The following STIM1 variants were observed in gnomAD, a reference collection of about 807,000 sequenced individuals.
The protein encoded by STIM1 is stromal interaction molecule 1.
STIM1 carries 25 observed loss-of-function variants against 74.7 expected under a neutral mutation model. The ratio of observed to expected loss-of-function variants is 0.33; its 90% CI spans 0.24 to 0.47. The LOEUF (loss-of-function observed/expected upper bound fraction) is 0.47, where lower values mean the gene tolerates loss of function less well. STIM1 is among the 20% of genes least tolerant of loss of function. The pLI, the probability that STIM1 is intolerant of heterozygous loss-of-function variation, is 1.00. For missense variants in STIM1, 728 were observed against 920.8 expected (o/e 0.79, Z 2.71); for synonymous variants, 328 against 348.8 (o/e 0.94, Z 0.66).
intron 7 of STIM1, 56 bp downstream of exon 7, chr11:4,074,735 C>T: frequency 6.5e-7 from 1 of 1,536,614 alleles, no homozygotes; most frequent in South Asian, 1.2e-5. Context: ...GGGCAGGGGC[C>T]CAGGGTCTGG....
At chr11:3,906,415 C>G (rs984878675) in intron 1 of STIM1, among the ~76,000 whole-genome samples, 2 of 152,154 alleles carry the variant, frequency 1.3e-5, no homozygotes, top group Admixed American at 6.5e-5. Flanking sequence ...AGCATATGCC[C>G]TGACTGAATA....
At chr11:3,921,871 T>C (rs775347981) in intron 1 of STIM1, 5 of 152,216 alleles carry the variant, frequency 3.3e-5, no homozygotes, top group African/African-American at 7.2e-5. Flanking sequence ...TGTGGAGAAC[T>C]AGTGTTTCCT....
At chr11:3,862,736 G>A (rs778846039) in intron 1 of STIM1, among the ~76,000 whole-genome samples, 10 of 151,536 alleles carry the variant, frequency 6.6e-5, no homozygotes, top group Non-Finnish European at 1.2e-4. Context: ...GTGAGCCACC[G>A]TGCCCAGCCA....
intron 1 of STIM1, among the ~76,000 whole-genome samples, chr11:3,874,333 A>T (rs928326355): frequency 6.6e-6 from 1 of 152,214 alleles, no homozygotes; most frequent in East Asian, 1.9e-4. Context: ...TCTTCTAACC[A>T]GAAAAAGGGA....
Position 3,887,074 on chromosome 11 carries a change from A to G in STIM1, c.139+30665A>G, listed in dbSNP as rs2091739128. Among the ~76,000 whole-genome samples, 24 of 152,180 alleles carry G rather than the reference A, an allele frequency of 1.6e-4. 1 individual carries two copies. The South Asian group carries it at 4.8e-3, about 30-fold the overall frequency. On this transcript the variant is annotated intron_variant, in intron 1 of 12. Coordinates refer to ENST00000526596, the MANE Select transcript of STIM1 (RefSeq NM_001382567.1). ...CCAAATATATCCAGAGGTGAAACAA[A>G]CATCTAGGATGAAAAGGGTCCAGGG...
At position 3,863,090 on chromosome 11, in the gene STIM1, C is replaced by T. The variant is rs867552170; in HGVS notation, c.139+6681C>T. ...GTATTTTTTAGTAGAAACAGGGTTTCACTGTGTTGGCCAGGCTGGTCCTGA... is the reference window on the plus strand; with the variant it reads ...GTATTTTTTAGTAGAAACAGGGTTTTACTGTGTTGGCCAGGCTGGTCCTGA... On this transcript the variant is annotated intron_variant, in intron 1 of 12. Transcript: ENST00000526596. Among the ~76,000 whole-genome samples, 4 of 151,972 alleles carry T rather than the reference C, an allele frequency of 2.6e-5. No homozygotes were observed. In the South Asian group the frequency reaches 8.3e-4, roughly 32 times the overall value.
rs557278313 is a variant in STIM1 at position 3,921,473 on chromosome 11, A to G, written c.140-46079A>G. Among the ~76,000 whole-genome samples the G allele has an allele frequency of 2.0e-5, 3 of 152,354 alleles. No homozygotes were observed. The East Asian group carries it at 5.8e-4, about 29-fold the overall frequency. ...TACCTGGACCATCTGGCCATAGAAC[A>G]TCACCATGATATATTACGTTGACAA... On this transcript the variant is annotated intron_variant, in intron 1 of 12. Coordinates refer to ENST00000526596, the MANE Select transcript of STIM1 (RefSeq NM_001382567.1).
intron 3 of STIM1, among the ~76,000 whole-genome samples, chr11:4,048,306 A>G (rs2094210079): frequency 6.6e-6 from 1 of 152,232 alleles, no homozygotes; most frequent in Admixed American, 6.5e-5. Context: ...TGCTGACTTA[A>G]ATTATTTTTA....
intron 1 of STIM1, among the ~76,000 whole-genome samples, chr11:3,901,168 G>A (rs2092339235): frequency 6.6e-6 from 1 of 152,142 alleles, no homozygotes; most frequent in African/African-American, 2.4e-5. Context: ...GCGACAGAGA[G>A]AGACTCAGCC....
chr11:3,937,996 C>T (rs1287933070), intron 1 of STIM1, among the ~76,000 whole-genome samples: 2 of 149,154 alleles, frequency 1.3e-5, no homozygotes, highest in South Asian at 2.1e-4. Flanking sequence ...TGTAGTGGGG[C>T]GATCTTGGCT....
intron 2 of STIM1, among the ~76,000 whole-genome samples, chr11:3,972,383 A>G (rs12803459): frequency 1.4e-3 from 212 of 152,312 alleles, no homozygotes; most frequent in Admixed American, 4.1e-3. Flanking sequence ...CAGTACCTAG[A>G]TTCCTATATA....
chr11:4,083,132 C>A, intron 9 of STIM1, 131 bp from the exon 10 acceptor site: 1 of 1,196,382 alleles, frequency 8.4e-7, no homozygotes, highest in Non-Finnish European at 1.2e-6. Flanking sequence ...TCCTGCCTTG[C>A]TCTTAAGTTT....
At chr11:4,062,720 C>T (rs968595456) in intron 5 of STIM1, among the ~76,000 whole-genome samples, 1 of 152,152 alleles carries the variant, frequency 6.6e-6, no homozygotes, top group African/African-American at 2.4e-5. Context: ...CAATGCTCAA[C>T]ATCATTATCA....
At chr11:3,942,714 G>C (rs968684083) in intron 1 of STIM1, among the ~76,000 whole-genome samples, 1 of 152,128 alleles carries the variant, frequency 6.6e-6, no homozygotes, top group Non-Finnish European at 1.5e-5. Flanking sequence ...CCAGCTGAAG[G>C]TTAAAACCTC....
intron 1 of STIM1, among the ~76,000 whole-genome samples, chr11:3,934,787 T>C (rs1240410016): frequency 6.6e-6 from 1 of 152,234 alleles, no homozygotes; most frequent in Non-Finnish European, 1.5e-5. Context: ...TGCAGTGCAG[T>C]AGCTGACTTT....
At chr11:4,047,286 C>T (rs1032886862) in intron 3 of STIM1, among the ~76,000 whole-genome samples, 1 of 151,980 alleles carries the variant, frequency 6.6e-6, no homozygotes, top group African/African-American at 2.4e-5. Flanking sequence ...TCTAGACCAG[C>T]CTGGGCAGCA....
chr11:3,876,971 C>G (rs1412431427), intron 1 of STIM1, among the ~76,000 whole-genome samples: 1 of 151,902 alleles, frequency 6.6e-6, no homozygotes, highest in Non-Finnish European at 1.5e-5. Flanking sequence ...TCTGCCCAGC[C>G]CCTTTACTGA....
At chr11:4,047,471 C>T (rs1303656982) in intron 3 of STIM1, among the ~76,000 whole-genome samples, 1 of 152,112 alleles carries the variant, frequency 6.6e-6, no homozygotes, top group Non-Finnish European at 1.5e-5. Flanking sequence ...CAGAAATTAA[C>T]TGGGTGTGGC....
intron 1 of STIM1, chr11:3,903,674 A>G (rs555639704): frequency 5.3e-5 from 8 of 152,328 alleles, no homozygotes; most frequent in East Asian, 1.9e-4. Flanking sequence ...AGTTGAAACT[A>G]TTGAGACTTC....
Sources: allele counts gnomAD v4.1 joint callset (sites outside exome capture counted in the v4.1 genomes callset), GRCh38; gene constraint gnomAD v4.1.1; transcripts MANE v1.5; gene names NCBI Gene and HGNC (gene_info 2026-07-23, HGNC 2026-07-21).